The following FAM107B variants were observed in gnomAD, a reference collection of about 807,000 sequenced individuals.
FAM107B encodes protein FAM107B.
A neutral mutation model predicts 31.5 loss-of-function variants in FAM107B; 21 were observed. That is an observed-to-expected ratio of 0.67 (90% confidence interval 0.47 to 0.96). The LOEUF (loss-of-function observed/expected upper bound fraction) is 0.96. Ranked by LOEUF, FAM107B falls within the 40% of genes least tolerant of loss-of-function variation. The probability of loss-of-function intolerance (pLI) is 0.00; values close to 1 mark genes in which losing one functional copy is unlikely to be tolerated. For synonymous variants in FAM107B, 157 were observed against 141.5 expected, an observed-to-expected ratio of 1.11 and a Z score of -0.78; for missense variants, 452 against 377.1, an observed-to-expected ratio of 1.20 and a Z score of -1.64.
intron 2 of FAM107B, among the ~76,000 whole-genome samples, chr10:14,601,411 AG>A (rs1432668382): frequency 3.3e-5 from 5 of 152,300 alleles, no homozygotes; most frequent in Middle Eastern, 3.4e-3. Context: ...AGAAAGGAAA[AG>A]GGGAGAAAAA....
intron 2 of FAM107B, among the ~76,000 whole-genome samples, chr10:14,593,529 A>G (rs919822987): frequency 7.2e-5 from 11 of 152,028 alleles, no homozygotes; most frequent in African/African-American, 1.7e-4. Context: ...AATAAAAATT[A>G]ACAAATAAAC....
chr10:14,530,467 C>T lies in FAM107B; in HGVS notation c.518G>A (p.Arg173Lys). 1 of 1,614,010 alleles carries T rather than the reference C, an allele frequency of 6.2e-7. No homozygotes were observed. The highest frequency in any genetic ancestry group is 8.5e-7 in the Non-Finnish European group (1 of 1,180,018). ...GTAGTCTGGCTCGGCCATGATGCTT[C>T]TTGTAATGAGATATGAGTCCTTATG... ...IDHKDSYLIT[R>K]SIMAEPDYIE... is the part of the protein sequence containing the mutation. Residue 173 changes from arginine (R) to lysine (K), a missense_variant, in exon 3 of 5, where the codon AGA becomes AAA. Transcript: ENST00000181796.
In FAM107B at chr10:14,521,411, T is replaced by G. The variant is rs12255775; in HGVS notation, c.805-105A>C. 3,184 of 900,744 alleles carry G rather than the reference T, an allele frequency of 3.5e-3. 72 individuals are homozygous for G. In the African/African-American group the frequency reaches 0.047, roughly 13 times the overall value. The allele number at this position is 900,744 out of a possible 1,614,324, so 55.8% of individuals were successfully genotyped here. ...CTGACAACTTTACTTCCCCACAGAA[T>G]AAATTCTCTCCTGGTCCCCCACTTT... is the stretch of plus-strand genomic sequence containing the variant. On this transcript the variant is annotated intron_variant, in intron 4 of 4. Transcript: ENST00000181796.
At chr10:14,721,425 T>A (rs984920128) in intron 1 of FAM107B, among the ~76,000 whole-genome samples, 1 of 152,240 alleles carries the variant, frequency 6.6e-6, no homozygotes, top group Non-Finnish European at 1.5e-5. Context: ...AGCCACACTG[T>A]CTTCCACAAT....
At chr10:14,738,782 T>A (rs964930509) in intron 1 of FAM107B, among the ~76,000 whole-genome samples, 1 of 152,204 alleles carries the variant, frequency 6.6e-6, no homozygotes, top group Non-Finnish European at 1.5e-5. Context: ...ATTGGGTTAG[T>A]GTGCTAAGTT....
chr10:14,615,175 A>T (rs1471431210), intron 2 of FAM107B, among the ~76,000 whole-genome samples: 1 of 152,042 alleles, frequency 6.6e-6, no homozygotes, highest in Non-Finnish European at 1.5e-5. Context: ...CTAAAAATAC[A>T]AAAATTAGCT....
At chr10:14,773,130 T>G (rs1264216632) in intron 1 of FAM107B, among the ~76,000 whole-genome samples, 1 of 152,154 alleles carries the variant, frequency 6.6e-6, no homozygotes, top group African/African-American at 2.4e-5. Flanking sequence ...AACATAGCAG[T>G]TTTTGCTGTG....
chr10:14,532,277 C>A (rs1847105139), intron 2 of FAM107B, among the ~76,000 whole-genome samples: 1 of 152,110 alleles, frequency 6.6e-6, no homozygotes, highest in Non-Finnish European at 1.5e-5. Context: ...CCTAGCTGCC[C>A]TGCTGAAAAG....
intron 2 of FAM107B, chr10:14,604,462 G>T (rs541221737): frequency 2.0e-5 from 3 of 152,898 alleles, no homozygotes; most frequent in Non-Finnish European, 2.9e-5. Context: ...GGGGCGGCAA[G>T]GCCACGCCCC....
chr10:14,609,048 C>T (rs1195799677), intron 2 of FAM107B, among the ~76,000 whole-genome samples: 1 of 152,174 alleles, frequency 6.6e-6, no homozygotes, highest in Non-Finnish European at 1.5e-5. Context: ...CTCATGGCCT[C>T]AATTGATAGG....
intron 2 of FAM107B, chr10:14,604,292 CGCG>C (rs1412784866): frequency 1.7e-5 from 17 of 978,884 alleles, no homozygotes; most frequent in Non-Finnish European, 1.9e-5. Flanking sequence ...TCCCGGCGCC[CGCG>C]GCGGCGCCCA....
chr10:14,730,320 C>T (rs1036251900), intron 1 of FAM107B, among the ~76,000 whole-genome samples: 2 of 152,120 alleles, frequency 1.3e-5, no homozygotes, highest in Non-Finnish European at 2.9e-5. Flanking sequence ...AATGTGAAAC[C>T]AAAGACGAGA....
At chr10:14,677,359 A>C (rs577993054) in intron 1 of FAM107B, among the ~76,000 whole-genome samples, 10 of 152,206 alleles carry the variant, frequency 6.6e-5, no homozygotes, top group South Asian at 2.1e-4. Flanking sequence ...CGGTGGCTCA[A>C]TCCTGTAATC....
intron 2 of FAM107B, among the ~76,000 whole-genome samples, chr10:14,629,409 A>AAT (rs1491383889): frequency 0.089 from 98 of 1,104 alleles, 7 homozygotes; most frequent in African/African-American, 0.1. Context: ...TTATATATTT[A>AAT]ATATATATAA....
At chr10:14,710,144 G>T (rs964966518) in intron 1 of FAM107B, among the ~76,000 whole-genome samples, 1 of 152,012 alleles carries the variant, frequency 6.6e-6, no homozygotes, top group South Asian at 2.1e-4. Context: ...AATATCAGAC[G>T]TTAATAACAG....
In FAM107B at chr10:14,712,763, GTGT is replaced by G. The variant is rs1286427824; in HGVS notation, c.412-45075_412-45073del. ...ACATGGTCAGAGGTTCAGATGAGAA[GTGT>G]TGTTGTTTTTCATTTCTTTGTTTCT... On this transcript the variant is annotated intron_variant, in intron 1 of 4. Coordinates refer to ENST00000181796, the MANE Select transcript of FAM107B (RefSeq NM_031453.4). 3.9e-5 allele frequency among the ~76,000 whole-genome samples: 6 copies of G among 152,274 alleles called. No homozygotes were observed. The East Asian group carries it at 1.2e-3, about 29-fold the overall frequency.
At chr10:14,620,052 G>T (rs528765446) in intron 2 of FAM107B, among the ~76,000 whole-genome samples, 5 of 122,916 alleles carry the variant, frequency 4.1e-5, no homozygotes, top group African/African-American at 1.6e-4. Context: ...ATGGAGTCTC[G>T]CTCTGTCGCC....
intron 1 of FAM107B, among the ~76,000 whole-genome samples, chr10:14,690,015 AAGGAAGGAAGGGAGGG>A (rs1282361689): frequency 1.4e-4 from 17 of 118,378 alleles, no homozygotes; most frequent in African/African-American, 6.4e-4. Context: ...GGAAGGAAGG[AAGGAAGGAAGGGAGGG>A]AGGGAGGGAG....
At chr10:14,681,195 G>T (rs1296205354) in intron 1 of FAM107B, among the ~76,000 whole-genome samples, 1 of 152,240 alleles carries the variant, frequency 6.6e-6, no homozygotes, top group Non-Finnish European at 1.5e-5. Context: ...GAATGTGGAA[G>T]AAATGCAGAG....
Sources: allele counts gnomAD v4.1 joint callset (sites outside exome capture counted in the v4.1 genomes callset), GRCh38; gene constraint gnomAD v4.1.1; transcripts MANE v1.5; gene names NCBI Gene and HGNC (gene_info 2026-07-23, HGNC 2026-07-21).